The following GRM7 variants were observed in gnomAD, a reference collection of about 807,000 sequenced individuals.
The protein encoded by GRM7 is glutamate metabotropic receptor 7.
Under a neutral mutation model 84.5 loss-of-function variants are expected in GRM7, and 35 were observed. The ratio of observed to expected loss-of-function variants is 0.41; its 90% CI spans 0.32 to 0.55. The LOEUF (loss-of-function observed/expected upper bound fraction) is 0.55. GRM7 is among the 20% of genes least tolerant of loss of function. The probability of loss-of-function intolerance (pLI) is 0.19; values close to 1 mark genes in which losing one functional copy is unlikely to be tolerated. For missense variants in GRM7, 1,003 were observed against 1,194.6 expected, an observed-to-expected ratio of 0.84 and a Z score of 2.36; for synonymous variants, 487 against 455.1, an observed-to-expected ratio of 1.07 and a Z score of -0.89.
At chr3:7,580,679 T>G (rs1414553713) in intron 8 of GRM7, among the ~76,000 whole-genome samples, 1 of 152,176 alleles carries the variant, frequency 6.6e-6, no homozygotes, top group Non-Finnish European at 1.5e-5. Context: ...CCAAGGAGAA[T>G]GAATGGTTCC....
At chr3:6,912,104 TTA>T (rs2125018605) in intron 1 of GRM7, among the ~76,000 whole-genome samples, 1 of 152,274 alleles carries the variant, frequency 6.6e-6, no homozygotes, top group Non-Finnish European at 1.5e-5. Context: ...TGCTTTCTTC[TTA>T]AGGTTATTAA....
chr3:7,319,619 G>T (rs1427335197), intron 4 of GRM7, among the ~76,000 whole-genome samples: 1 of 152,008 alleles, frequency 6.6e-6, no homozygotes. Flanking sequence ...TGGCAAAAGA[G>T]TCTAGGACTG....
intron 6 of GRM7, among the ~76,000 whole-genome samples, chr3:7,454,204 T>A (rs749299520): frequency 6.6e-6 from 1 of 151,976 alleles, no homozygotes; most frequent in Admixed American, 6.6e-5. Context: ...ATTTCAAGTT[T>A]TAAACATATT....
intron 1 of GRM7, among the ~76,000 whole-genome samples, chr3:6,986,226 A>C (rs1694405212): frequency 6.6e-6 from 1 of 152,286 alleles, no homozygotes. Context: ...AAATGAAAAA[A>C]CCCAAAAAAC....
chr3:7,075,257 G>A (rs890525122), intron 1 of GRM7, among the ~76,000 whole-genome samples: 1 of 152,118 alleles, frequency 6.6e-6, no homozygotes, highest in Admixed American at 6.6e-5. Flanking sequence ...AAAGACCTTG[G>A]TGCTGAACAC....
At chr3:7,476,881 C>T (rs1439069856) in intron 7 of GRM7, among the ~76,000 whole-genome samples, 1 of 152,172 alleles carries the variant, frequency 6.6e-6, no homozygotes, top group African/African-American at 2.4e-5. Context: ...CAATATTCCA[C>T]CACCAAACTG....
At chr3:6,981,122 T>A (rs545201364) in intron 1 of GRM7, among the ~76,000 whole-genome samples, 1 of 152,296 alleles carries the variant, frequency 6.6e-6, no homozygotes, top group Admixed American at 6.5e-5. Flanking sequence ...GAAGTTCAGA[T>A]AAGGTTTAAC....
At chr3:7,261,705 G>A (rs1023736445) in intron 2 of GRM7, among the ~76,000 whole-genome samples, 3 of 152,182 alleles carry the variant, frequency 2.0e-5, no homozygotes, top group African/African-American at 7.2e-5. Flanking sequence ...GTGTACTTAC[G>A]TGTGTCTTGC....
chr3:7,520,529 C>T (rs1700557133), intron 7 of GRM7, among the ~76,000 whole-genome samples: 1 of 151,692 alleles, frequency 6.6e-6, no homozygotes, highest in African/African-American at 2.4e-5. Flanking sequence ...AAAAACACCA[C>T]CATGGGACTT....
intron 8 of GRM7, among the ~76,000 whole-genome samples, chr3:7,603,507 T>G (rs1696418106): frequency 6.6e-6 from 1 of 152,140 alleles, no homozygotes; most frequent in Non-Finnish European, 1.5e-5. Flanking sequence ...TTTTGTTACA[T>G]CCCAGAGAAA....
intron 7 of GRM7, chr3:7,519,973 G>C (rs868099491): frequency 1.3e-5 from 2 of 152,138 alleles, no homozygotes; most frequent in African/African-American, 2.4e-5. Context: ...AGGCTGGTTC[G>C]TGCTTCTTCA....
intron 1 of GRM7, among the ~76,000 whole-genome samples, chr3:6,950,413 G>A (rs780544201): frequency 1.2e-4 from 19 of 152,138 alleles, no homozygotes; most frequent in Non-Finnish European, 2.1e-4. Flanking sequence ...TCGTTCCTCC[G>A]GAAATTTTGT....
At chr3:7,712,354 C>G (rs1349125644) in intron 9 of GRM7, among the ~76,000 whole-genome samples, 2 of 152,106 alleles carry the variant, frequency 1.3e-5, no homozygotes, top group Non-Finnish European at 2.9e-5. Flanking sequence ...GGGGCTCTGA[C>G]CTGGTGGCAT....
chr3:7,661,991 A>C (rs1699479239), intron 8 of GRM7, among the ~76,000 whole-genome samples: 2 of 151,982 alleles, frequency 1.3e-5, no homozygotes, highest in South Asian at 4.2e-4. Context: ...CCAAAACTGG[A>C]AGCAACCCAA....
chr3:7,553,207 C>A (rs1693576085), intron 7 of GRM7, among the ~76,000 whole-genome samples: 1 of 152,180 alleles, frequency 6.6e-6, no homozygotes, highest in Non-Finnish European at 1.5e-5. Context: ...TAGCAAGGGT[C>A]ACCTTTGATC....
At chr3:7,241,985 A>G (rs1040760066) in intron 2 of GRM7, among the ~76,000 whole-genome samples, 1 of 152,144 alleles carries the variant, frequency 6.6e-6, no homozygotes, top group African/African-American at 2.4e-5. Flanking sequence ...TTTTTACCTT[A>G]GTACTTCTTT....
At chr3:6,918,749 G>A (rs772238471) in intron 1 of GRM7, among the ~76,000 whole-genome samples, 1 of 152,092 alleles carries the variant, frequency 6.6e-6, no homozygotes, top group Non-Finnish European at 1.5e-5. Context: ...AAGATTAAAG[G>A]CTCAGATAAT....
intron 9 of GRM7, among the ~76,000 whole-genome samples, chr3:7,732,786 G>C (rs1702376982): frequency 1.3e-5 from 2 of 152,186 alleles, no homozygotes; most frequent in Admixed American, 1.3e-4. Context: ...AGGGTTCTTG[G>C]CTCTTGCAGA....
chr3:7,366,149 T>C (rs1693883179), intron 4 of GRM7, among the ~76,000 whole-genome samples: 1 of 151,814 alleles, frequency 6.6e-6, no homozygotes, highest in Admixed American at 6.6e-5. Context: ...CCTGTAGATC[T>C]AAAATCATAC....
Sources: gnomAD v4.1 joint callset for allele counts (sites outside exome capture counted in the v4.1 genomes callset) on GRCh38, gnomAD v4.1.1 for gene constraint, MANE v1.5 for transcripts, NCBI Gene and HGNC (gene_info 2026-07-23, HGNC 2026-07-21) for gene names.